Variants in RAP1GAP2 observed in about 807,000 individuals in gnomAD.
RAP1GAP2 encodes rap1 GTPase-activating protein 2.
RAP1GAP2 carries 27 observed loss-of-function variants against 95.0 expected under a neutral mutation model. That is an observed-to-expected ratio of 0.28 (90% CI 0.21 to 0.39). The LOEUF (loss-of-function observed/expected upper bound fraction) is 0.39, where lower values mean the gene tolerates loss of function less well. RAP1GAP2 is among the 10% of genes least tolerant of loss of function. RAP1GAP2 has a pLI of 1.00. For missense variants in RAP1GAP2, 771 were observed against 970.0 expected (o/e 0.79, Z 2.72); for synonymous variants, 373 against 380.9 (o/e 0.98, Z 0.24).
At chr17:2,891,516 C>CA (rs2073716249) in intron 2 of RAP1GAP2, among the ~76,000 whole-genome samples, 1 of 151,738 alleles carries the variant, frequency 6.6e-6, no homozygotes. Context: ...CCATCTCCGC[C>CA]AAGCTTGCAT....
intron 3 of RAP1GAP2, among the ~76,000 whole-genome samples, chr17:2,912,035 G>A (rs756002973): frequency 1.3e-5 from 2 of 152,196 alleles, no homozygotes; most frequent in Admixed American, 6.5e-5. Context: ...GATAATGTGC[G>A]CTTGGAGTTC....
chr17:2,881,104 T>C (rs1254197352), intron 2 of RAP1GAP2, among the ~76,000 whole-genome samples: 1 of 151,868 alleles, frequency 6.6e-6, no homozygotes. Flanking sequence ...CTACTAAAAA[T>C]GCAAAAATTA....
chr17:2,938,027 C>T (rs1228529455), intron 3 of RAP1GAP2, among the ~76,000 whole-genome samples: 1 of 152,144 alleles, frequency 6.6e-6, no homozygotes, highest in Non-Finnish European at 1.5e-5. Flanking sequence ...TGCCTGGTGG[C>T]AGGCTGGGCA....
chr17:2,774,565 C>T (rs949694761), upstream of RAP1GAP2, among the ~76,000 whole-genome samples: 3 of 149,496 alleles, frequency 2.0e-5, no homozygotes, highest in African/African-American at 4.9e-5. Context: ...GTCCGACTCC[C>T]GGTTCAAGCG....
intron 1 of RAP1GAP2, among the ~76,000 whole-genome samples, chr17:2,799,911 G>A (rs189261903): frequency 1.1e-3 from 167 of 152,222 alleles, no homozygotes; most frequent in African/African-American, 3.7e-3. Flanking sequence ...GGCTGTGAGG[G>A]CAGTCTGCAG....
chr17:2,894,473 C>G (rs1435141744), intron 2 of RAP1GAP2, among the ~76,000 whole-genome samples: 1 of 152,168 alleles, frequency 6.6e-6, no homozygotes, highest in Non-Finnish European at 1.5e-5. Flanking sequence ...GCCCTACATG[C>G]TGTCCCTGAG....
At chr17:2,935,874 C>A (rs1242046752) in intron 3 of RAP1GAP2, among the ~76,000 whole-genome samples, 1 of 152,054 alleles carries the variant, frequency 6.6e-6, no homozygotes, top group Non-Finnish European at 1.5e-5. Context: ...TGGAGAAAAA[C>A]CACAAGCAAG....
chr17:3,006,460 A>G (rs1184842838), intron 16 of RAP1GAP2, among the ~76,000 whole-genome samples: 1 of 108,786 alleles, frequency 9.2e-6, no homozygotes, highest in Non-Finnish European at 1.8e-5. Context: ...TCAAGACAGA[A>G]TCTCACTCTG....
intron 2 of RAP1GAP2, chr17:2,853,807 G>A: frequency 1.9e-6 from 1 of 535,870 alleles, no homozygotes; most frequent in Non-Finnish European, 2.4e-6. Context: ...AGGAGACGCT[G>A]AAGGTCGCCG....
intron 3 of RAP1GAP2, among the ~76,000 whole-genome samples, chr17:2,952,073 CAA>C (rs1211926904): frequency 4.0e-5 from 6 of 151,656 alleles, no homozygotes; most frequent in African/African-American, 4.8e-5. Flanking sequence ...CTGAAAAGCA[CAA>C]AGGGAAAAAT....
Position 2,993,571 on chromosome 17 carries a change from T to TA in RAP1GAP2, c.915-1753dup, listed in dbSNP as rs60312244. Among the ~76,000 whole-genome samples, 1,214 of 142,350 alleles carry TA rather than the reference T, an allele frequency of 8.5e-3. 15 individuals are homozygous for TA. Among genetic ancestry groups the TA allele is most frequent in the African/African-American group, 0.027 (1,079 of 39,406 alleles). 93.4% of individuals were successfully genotyped at this position (142,350 alleles called of 152,430 possible). ...CTGGGTAACAGAGTGAGACTCTGTC[T>TA]AAAAAAAAAAAAATAAATAAATAAA... On this transcript the variant is annotated intron_variant, in intron 12 of 24. Transcript: ENST00000254695.
At chr17:2,897,990 G>A (rs114350745) in intron 2 of RAP1GAP2, among the ~76,000 whole-genome samples, 2,518 of 148,156 alleles carry the variant, frequency 0.017, 64 homozygotes, top group African/African-American at 0.058. Flanking sequence ...GCATGATTAC[G>A]GCTCACTGTA....
chr17:2,874,786 C>T (rs1385462158), intron 2 of RAP1GAP2, among the ~76,000 whole-genome samples: 1 of 152,168 alleles, frequency 6.6e-6, no homozygotes, highest in Non-Finnish European at 1.5e-5. Flanking sequence ...AGCAGAAGTT[C>T]TTGAAGTTCT....
At chr17:3,022,639 G>A (rs1175558235) in intron 19 of RAP1GAP2, among the ~76,000 whole-genome samples, 1 of 152,084 alleles carries the variant, frequency 6.6e-6, no homozygotes, top group East Asian at 1.9e-4. Flanking sequence ...ATTAATCCTT[G>A]TTGGATGGAT....
At chr17:2,877,915 G>A (rs2073152585) in intron 2 of RAP1GAP2, among the ~76,000 whole-genome samples, 1 of 152,122 alleles carries the variant, frequency 6.6e-6, no homozygotes, top group South Asian at 2.1e-4. Flanking sequence ...GGACCAGAGT[G>A]GGATCCTGGA....
intron 2 of RAP1GAP2, among the ~76,000 whole-genome samples, chr17:2,837,642 A>C (rs1442647623): frequency 2.9e-5 from 4 of 136,396 alleles, no homozygotes; most frequent in Non-Finnish European, 6.2e-5. Flanking sequence ...AGTCTCACTC[A>C]GTTGCCCAGG....
At chr17:2,887,247 G>T (rs905675155) in intron 2 of RAP1GAP2, among the ~76,000 whole-genome samples, 2 of 151,078 alleles carry the variant, frequency 1.3e-5, no homozygotes, top group Non-Finnish European at 3.0e-5. Flanking sequence ...TAGTAGAGAC[G>T]GGGTTTCCCC....
intron 17 of RAP1GAP2, among the ~76,000 whole-genome samples, chr17:3,013,996 A>G (rs2046663329): frequency 6.6e-6 from 1 of 152,206 alleles, no homozygotes; most frequent in Non-Finnish European, 1.5e-5. Context: ...GAGGAATACA[A>G]TCACGTGTCA....
intron 2 of RAP1GAP2, among the ~76,000 whole-genome samples, chr17:2,841,230 T>C (rs868564146): frequency 6.6e-6 from 1 of 152,004 alleles, no homozygotes; most frequent in East Asian, 1.9e-4. Context: ...GTCTTTTCAG[T>C]ATTTAATTTA....
Sources: allele counts gnomAD v4.1 joint callset (sites outside exome capture counted in the v4.1 genomes callset), GRCh38; gene constraint gnomAD v4.1.1; transcripts MANE v1.5; gene names NCBI Gene and HGNC (gene_info 2026-07-23, HGNC 2026-07-21).